The following ZDHHC11B variants were observed in gnomAD, a reference collection of about 807,000 sequenced individuals.
The protein encoded by ZDHHC11B is zDHHC palmitoyltransferase 11B (putative).
ZDHHC11B carries 17 observed loss-of-function variants against 42.3 expected under a neutral mutation model. The ratio of observed to expected loss-of-function variants is 0.40; its 90% CI spans 0.27 to 0.60. The LOEUF (loss-of-function observed/expected upper bound fraction) is 0.60, where lower values mean the gene tolerates loss of function less well. Among genes scored for constraint, ZDHHC11B ranks in the 20% least tolerant of loss-of-function variants. ZDHHC11B has a pLI of 0.41. For synonymous variants in ZDHHC11B, 123 were observed against 193.5 expected (o/e 0.64, Z 3.02); for missense variants, 262 against 463.2 (o/e 0.57, Z 3.99).
chr5:771,484 G>T (rs1736036006), intron 1 of ZDHHC11B, among the ~76,000 whole-genome samples: 1 of 150,454 alleles, frequency 6.6e-6, no homozygotes. Context: ...CCGCGTGGGG[G>T]CAGGATCCTG....
intron 11 of ZDHHC11B, among the ~76,000 whole-genome samples, chr5:730,701 C>T (rs1296063747): frequency 1.3e-5 from 2 of 151,618 alleles, no homozygotes; most frequent in Admixed American, 6.6e-5. Context: ...CATCCTGACA[C>T]CCAGTACCTC....
In ZDHHC11B at chr5:776,092, G is replaced by C. The variant is rs1453815894; in HGVS notation, c.-229-7162C>G. ...TTTACGCCCAAGTCCTGTCCAGGGG[G>C]AGCACCCTCCACCCCAGGCTGGCTG... On this transcript the variant is annotated intron_variant, in intron 1 of 13. Transcript: ENST00000508859. Among the ~76,000 whole-genome samples, 13 of 150,282 alleles carry C rather than the reference G, an allele frequency of 8.7e-5. 2 individuals are homozygous for C. Among genetic ancestry groups the C allele is most frequent in the Non-Finnish European group, 3.0e-5 (2 of 67,460 alleles).
intron 9 of ZDHHC11B, among the ~76,000 whole-genome samples, chr5:742,937 G>A (rs1230362411): frequency 2.0e-5 from 3 of 149,520 alleles, no homozygotes; most frequent in African/African-American, 7.4e-5. Context: ...TTCATTCTAT[G>A]CTTGTTTCTA....
chr5:778,300 C>G, intron 1 of ZDHHC11B, among the ~76,000 whole-genome samples: 1 of 151,552 alleles, frequency 6.6e-6, no homozygotes, highest in Non-Finnish European at 1.5e-5. Flanking sequence ...GGAGACTCGG[C>G]GGCTGCAGAT....
intron 1 of ZDHHC11B, among the ~76,000 whole-genome samples, chr5:776,988 G>C (rs1426657886): frequency 5.3e-5 from 8 of 151,930 alleles, no homozygotes; most frequent in African/African-American, 1.7e-4. Context: ...AAAGCTGGCA[G>C]TTTTGAGTCC....
At chr5:724,369 T>TA (rs2126978146) in intron 12 of ZDHHC11B, among the ~76,000 whole-genome samples, 2 of 116,926 alleles carry the variant, frequency 1.7e-5, no homozygotes, top group African/African-American at 6.4e-5. Flanking sequence ...CAAACCCAGC[T>TA]AATTTTTTTT....
At chr5:774,448 C>G (rs1337067888) in intron 1 of ZDHHC11B, among the ~76,000 whole-genome samples, 38 of 151,574 alleles carry the variant, frequency 2.5e-4, no homozygotes, top group African/African-American at 8.0e-4. Flanking sequence ...TCACTAGGAC[C>G]AGGGGCCTGT....
intron 4 of ZDHHC11B, among the ~76,000 whole-genome samples, chr5:761,142 T>C (rs555131385): frequency 6.6e-6 from 1 of 151,890 alleles, no homozygotes; most frequent in Non-Finnish European, 1.5e-5. Context: ...TTGGAGAATG[T>C]TGGCGTGGAC....
chr5:725,189 C>T (rs1159925743), intron 12 of ZDHHC11B, among the ~76,000 whole-genome samples: 2 of 151,130 alleles, frequency 1.3e-5, no homozygotes, highest in African/African-American at 4.9e-5. Context: ...CTTGTGAGGA[C>T]AAGCAGAGGA....
At chr5:715,110 G>C (rs1280012670) in intron 13 of ZDHHC11B, among the ~76,000 whole-genome samples, 13 of 150,164 alleles carry the variant, frequency 8.7e-5, no homozygotes, top group Non-Finnish European at 1.6e-4. Flanking sequence ...CCAAATACAC[G>C]ATTTTTCTTT....
At chr5:721,450 T>C (rs184098810) in intron 12 of ZDHHC11B, among the ~76,000 whole-genome samples, 21 of 151,546 alleles carry the variant, frequency 1.4e-4, no homozygotes, top group Non-Finnish European at 2.5e-4. Context: ...AAAGCTGAAG[T>C]GCCTGTGGAC....
intron 9 of ZDHHC11B, among the ~76,000 whole-genome samples, chr5:743,934 C>T (rs1466797977): frequency 6.7e-6 from 1 of 149,876 alleles, no homozygotes; most frequent in Non-Finnish European, 1.5e-5. Context: ...CTGTGCCGAA[C>T]CTCCAAGAGA....
At chr5:719,076 G>C (rs1484388954) in intron 12 of ZDHHC11B, among the ~76,000 whole-genome samples, 2 of 151,810 alleles carry the variant, frequency 1.3e-5, no homozygotes, top group East Asian at 3.8e-4. Context: ...ACTGGTCATA[G>C]AGATAAAGGA....
chr5:732,263 G>A (rs4956966), intron 11 of ZDHHC11B: 22,540 of 166,254 alleles, frequency 0.14, 1,862 homozygotes, highest in Non-Finnish European at 0.19. Context: ...ACGGAGATGC[G>A]GGCTTGGGAT....
chr5:766,098 A>G (rs4957100), intron 4 of ZDHHC11B, among the ~76,000 whole-genome samples: 100,073 of 149,720 alleles, frequency 0.67, 30,500 homozygotes, highest in East Asian at 0.82. Context: ...GGTCAGCTGG[A>G]GGTAGTGCAG....
intron 4 of ZDHHC11B, among the ~76,000 whole-genome samples, chr5:765,658 T>C (rs1561186194): frequency 6.6e-6 from 1 of 151,892 alleles, no homozygotes; most frequent in Non-Finnish European, 1.5e-5. Flanking sequence ...GCAATACATC[T>C]TGCTGCTGCT....
intron 12 of ZDHHC11B, among the ~76,000 whole-genome samples, chr5:726,382 C>A (rs1742610455): frequency 6.7e-6 from 1 of 149,152 alleles, no homozygotes; most frequent in African/African-American, 2.5e-5. Flanking sequence ...GAAGCATATT[C>A]TGTGACAAAA....
At chr5:725,148 T>C (rs1210537522) in intron 12 of ZDHHC11B, among the ~76,000 whole-genome samples, 3 of 151,366 alleles carry the variant, frequency 2.0e-5, no homozygotes, top group Non-Finnish European at 2.9e-5. Flanking sequence ...AGAACACGCA[T>C]GTGAGTGAGA....
Position 761,884 on chromosome 5 carries a change from C to T in ZDHHC11B, c.222+4814G>A, listed in dbSNP as rs1487270655. 5.3e-4 allele frequency among the ~76,000 whole-genome samples: 81 copies of T among 151,850 alleles called. 1 individual carries two copies. The highest frequency in any genetic ancestry group is 1.9e-3 in the African/African-American group (77 of 41,370). On this transcript the variant is annotated intron_variant, in intron 4 of 13. Coordinates refer to ENST00000508859, the MANE Select transcript of ZDHHC11B (RefSeq NM_001351303.2). ...CCAGACAGCCACCCCTAGCCCCAGA[C>T]AGCCACTCACAGCCCTGGACAGACA...
Sources: allele counts gnomAD v4.1 joint callset (sites outside exome capture counted in the v4.1 genomes callset), GRCh38; gene constraint gnomAD v4.1.1; transcripts MANE v1.5; gene names NCBI Gene and HGNC (gene_info 2026-07-23, HGNC 2026-07-21).